GABRA5: variants seen among roughly 807,000 people sequenced by gnomAD.
The protein encoded by GABRA5 is gamma-aminobutyric acid type A receptor subunit alpha5.
GABRA5 carries 18 observed loss-of-function variants against 47.3 expected under a neutral mutation model. That is an observed-to-expected ratio of 0.38 (90% CI 0.26 to 0.56). The LOEUF (loss-of-function observed/expected upper bound fraction) is 0.56, where lower values mean the gene tolerates loss of function less well. Ranked by LOEUF, GABRA5 falls within the 20% of genes least tolerant of loss-of-function variation. GABRA5 has a pLI of 0.71. For synonymous variants in GABRA5, 237 were observed against 229.3 expected (o/e 1.03, Z -0.30); for missense variants, 365 against 599.3 (o/e 0.61, Z 4.08).
chr15:26,889,218 G>C (rs1371547727), intron 6 of GABRA5, among the ~76,000 whole-genome samples: 1 of 152,200 alleles, frequency 6.6e-6, no homozygotes, highest in Admixed American at 6.5e-5. Context: ...TTCCCCATGA[G>C]TGGAAACCCC....
intron 3 of GABRA5, among the ~76,000 whole-genome samples, chr15:26,871,986 A>G (rs559116217): frequency 3.3e-5 from 5 of 152,276 alleles, no homozygotes; most frequent in Admixed American, 6.5e-5. Context: ...TGCGCGCCCA[A>G]TTGCTTTTGA....
In GABRA5 at chr15:26,948,021, A is replaced by G. The variant is rs764913094; in HGVS notation, c.1177A>G (p.Thr393Ala). 5.6e-6 allele frequency: 9 copies of G among 1,604,364 alleles called. No individual in the cohort carries two copies. The highest frequency in any genetic ancestry group is 7.7e-6 in the Non-Finnish European group (9 of 1,175,130). The change falls in exon 11 of 11, where the codon ACC becomes GCC. Residue 393 changes from threonine to alanine, a missense_variant. By Grantham distance (58) the Thr-to-Ala change is moderately conservative. Coordinates refer to ENST00000335625, the MANE Select transcript of GABRA5 (RefSeq NM_000810.4). ...CCCCCCAAACATTCCGAAGGAACAG[A>G]CCCCAGCAGGGACGTCGAATACAAC... ...SHPPNIPKEQ[T>A]PAGTSNTTSV...
rs72625129 is a variant in GABRA5 at position 26,872,314 on chromosome 15, G to A, written c.86+2980G>A. 0.011 allele frequency among the ~76,000 whole-genome samples: 1,621 copies of A among 152,262 alleles called. 79 individuals are homozygous for A. In the East Asian group the frequency reaches 0.17, roughly 16 times the overall value. ...GGAGCCACTGTATGAGCTGAGCACC[G>A]TTAGCCCATCTTCTAGCTGGGAAGG... On this transcript the variant is annotated intron_variant, in intron 3 of 10. Coordinates refer to ENST00000335625, the MANE Select transcript of GABRA5 (RefSeq NM_000810.4).
chr15:26,893,307 TG>T (rs1893068507), intron 6 of GABRA5, among the ~76,000 whole-genome samples: 1 of 71,442 alleles, frequency 1.4e-5, no homozygotes, highest in Non-Finnish European at 3.1e-5. Flanking sequence ...GTATATGGTG[TG>T]TTGTGTGTAT....
intron 7 of GABRA5, among the ~76,000 whole-genome samples, chr15:26,930,974 C>G (rs1261107906): frequency 6.9e-6 from 1 of 145,880 alleles, no homozygotes. Context: ...TGGCTCACTG[C>G]AACCTCCACC....
At chr15:26,891,658 G>A (rs555580557) in intron 6 of GABRA5, among the ~76,000 whole-genome samples, 5 of 152,316 alleles carry the variant, frequency 3.3e-5, no homozygotes, top group African/African-American at 1.2e-4. Flanking sequence ...TGTCTGCAGA[G>A]TGTTCCTGAG....
At chr15:26,888,696 A>T (rs1213086403) in intron 6 of GABRA5, among the ~76,000 whole-genome samples, 1 of 152,234 alleles carries the variant, frequency 6.6e-6, no homozygotes, top group Non-Finnish European at 1.5e-5. Context: ...CGTAAGTTAT[A>T]AAGAGCATAT....
chr15:26,883,256 G>A lies in GABRA5; in HGVS notation c.276+23G>A. On this transcript the variant is annotated intron_variant, in intron 5 of 10. Transcript: ENST00000335625. The surrounding 1 kb of genome is among the most constrained non-coding windows in gnomAD (Gnocchi z 4.8). ...ATGGTAGGTCCCGGGGCATGGCTGG[G>A]CAGACAATTCTTACTCCGCGCCGCA... 6.2e-7 allele frequency: 1 copy of A among 1,613,366 alleles called. No homozygotes were observed. The highest frequency in any genetic ancestry group is 8.5e-7 in the Non-Finnish European group (1 of 1,179,356).
At chr15:26,877,613 C>T (rs774722449) in intron 3 of GABRA5, 9 of 452,672 alleles carry the variant, frequency 2.0e-5, no homozygotes, top group Non-Finnish European at 3.5e-5. Flanking sequence ...TCACACACTG[C>T]CTTCACTAGC....
At chr15:26,873,924 T>C (rs1250215747) in intron 3 of GABRA5, among the ~76,000 whole-genome samples, 2 of 152,196 alleles carry the variant, frequency 1.3e-5, no homozygotes, top group East Asian at 1.9e-4. Flanking sequence ...TAGGGGAATG[T>C]CCAACATGTT....
chr15:26,869,269 T>C lies in GABRA5; in HGVS notation c.21T>C (p.Ser7=), dbSNP rs748684930. The stretch of plus-strand genomic sequence containing the variant: ...TGGGAATGGACAATGGAATGTTCTC[T>C]GGTTTTATCATGATCAAAAACCTCC... The part of the protein sequence containing the change: MDNGMF[S]GFIMIKNLLL... The change falls in exon 3 of 11, where the codon TCT becomes TCC. Residue 7 remains serine (S), a synonymous_variant. Transcript: ENST00000335625. 6.2e-7 allele frequency: 1 copy of C among 1,604,212 alleles called. No individual in the cohort carries two copies. The highest frequency in any genetic ancestry group is 2.2e-5 in the East Asian group (1 of 44,832).
intron 6 of GABRA5, among the ~76,000 whole-genome samples, chr15:26,894,998 G>A (rs1337904250): frequency 1.3e-5 from 2 of 151,886 alleles, no homozygotes; most frequent in Admixed American, 1.3e-4. Context: ...CATCCTGCTG[G>A]GGTCTGAAAC....
At chr15:26,876,558 A>G (rs1892601675) in intron 3 of GABRA5, among the ~76,000 whole-genome samples, 2 of 152,140 alleles carry the variant, frequency 1.3e-5, no homozygotes, top group African/African-American at 4.8e-5. Context: ...TGATCTTCAG[A>G]TTTGGCCATG....
chr15:26,899,831 A>AT (rs1893284583), intron 6 of GABRA5, among the ~76,000 whole-genome samples: 1 of 152,136 alleles, frequency 6.6e-6, no homozygotes, highest in African/African-American at 2.4e-5. Context: ...TTATATATCT[A>AT]TATCGATTCT....
In GABRA5 at chr15:26,914,861, G is replaced by A. The variant is rs1350925788; in HGVS notation, c.556G>A (p.Ala186Thr). Reference sequence around the variant, plus strand: ...TGAGGACTTCCCGATGGATGCGCACGCTTGCCCTCTGAAATTTGGCAGCTG... The same window carrying A: ...TGAGGACTTCCCGATGGATGCGCACACTTGCCCTCTGAAATTTGGCAGCTG... Reference protein sequence around the residue: ...QLEDFPMDAHACPLKFGSYAY... With the variant: ...QLEDFPMDAHTCPLKFGSYAY... Residue 186 changes from alanine (A) to threonine (T), a missense_variant, in exon 7 of 11, where the codon GCT becomes ACT. Ala to Thr is a moderately conservative substitution (Grantham distance 58). Transcript: ENST00000335625. 15 of 1,613,922 alleles carry A rather than the reference G, an allele frequency of 9.3e-6. 1 individual carries two copies. Among genetic ancestry groups the A allele is most frequent in the East Asian group, 2.2e-5 (1 of 44,884 alleles).
intron 7 of GABRA5, among the ~76,000 whole-genome samples, chr15:26,921,105 A>C (rs1893833005): frequency 6.6e-6 from 1 of 152,078 alleles, no homozygotes; most frequent in African/African-American, 2.4e-5. Flanking sequence ...TTTTTATAAT[A>C]TCTTTTGTTT....
intron 3 of GABRA5, among the ~76,000 whole-genome samples, chr15:26,869,954 C>G (rs910305419): frequency 6.6e-6 from 1 of 152,214 alleles, no homozygotes; most frequent in Non-Finnish European, 1.5e-5. Context: ...CATACCAACT[C>G]TAACCTTTTT....
In GABRA5 at chr15:26,939,328, G is replaced by C. The variant is rs757760636; in HGVS notation, c.725-597G>C. ...GCCAGGCAAATCCAGAGAAGGCACT[G>C]GGGCATCGCCAATGAAATGCCCCCG... On this transcript the variant is annotated intron_variant, in intron 8 of 10. Transcript: ENST00000335625. The C allele has an allele frequency of 1.7e-5, 13 of 765,168 alleles. No individual in the cohort carries two copies. In the African/African-American group the frequency reaches 2.2e-4, roughly 13 times the overall value. 47.4% of individuals were successfully genotyped at this position (765,168 alleles called of 1,614,324 possible). A position where few individuals can be genotyped will look rare whatever the true frequency, so the allele number is the denominator to read the frequency against.
At chr15:26,874,317 AT>A (rs67317843) in intron 3 of GABRA5, among the ~76,000 whole-genome samples, 2,030 of 126,762 alleles carry the variant, frequency 0.016, 28 homozygotes, top group African/African-American at 0.037. Flanking sequence ...TTCACAATGC[AT>A]TTTTTTTTTA....
Sources: gnomAD v4.1 joint callset for allele counts (sites outside exome capture counted in the v4.1 genomes callset) on GRCh38, gnomAD v4.1.1 for gene constraint, Gnocchi (gnomAD v3.1) non-coding constraint, MANE v1.5 for transcripts, NCBI Gene and HGNC (gene_info 2026-07-23, HGNC 2026-07-21) for gene names.